Variants in DEPDC1 observed in about 807,000 individuals in gnomAD.
DEPDC1 encodes DEP domain-containing protein 1A.
Under a neutral mutation model 86.8 loss-of-function variants are expected in DEPDC1, and 66 were observed. The ratio of observed to expected loss-of-function variants is 0.76; its 90% confidence interval spans 0.62 to 0.93. The LOEUF is 0.93. Among genes scored for constraint, DEPDC1 ranks in the 40% least tolerant of loss-of-function variants. The pLI is 0.00. For synonymous variants in DEPDC1, 255 were observed against 314.9 expected (o/e 0.81, Z 2.02); for missense variants, 792 against 935.7 (o/e 0.85, Z 2.00).
At chr1:68,486,857 GTTC>G in intron 6 of DEPDC1, 77 bp downstream of exon 6, 1 of 1,288,508 alleles carries the variant, frequency 7.8e-7, no homozygotes, top group Non-Finnish European at 1.0e-6. Context: ...AATTTCCTTG[GTTC>G]TTGTTAAATA....
chr1:68,484,796 A>G (rs1307043995), intron 6 of DEPDC1, among the ~76,000 whole-genome samples: 1 of 151,962 alleles, frequency 6.6e-6, no homozygotes, highest in Non-Finnish European at 1.5e-5. Context: ...GTGCCTATTA[A>G]AAATACAAAG....
intron 7 of DEPDC1, chr1:68,483,156 A>G (rs17130708): frequency 0.047 from 25,218 of 539,848 alleles, 686 homozygotes; most frequent in East Asian, 0.072. Flanking sequence ...AATTAAATGG[A>G]TTGAGCCAGA....
chr1:68,494,203 A>G (rs1646248200), intron 2 of DEPDC1, among the ~76,000 whole-genome samples: 1 of 152,234 alleles, frequency 6.6e-6, no homozygotes, highest in Non-Finnish European at 1.5e-5. Flanking sequence ...TTCCCTTCCA[A>G]TTCCCTACTT....
At chr1:68,483,819 T>C (rs1646174322) in intron 7 of DEPDC1, 131 bp downstream of exon 7, 2 of 634,218 alleles carry the variant, frequency 3.2e-6, no homozygotes, top group Middle Eastern at 4.7e-4. Context: ...CTCGGAACCT[T>C]ATTTCACTGA....
chr1:68,478,842 G>A (rs1297665889), intron 10 of DEPDC1, among the ~76,000 whole-genome samples: 5 of 151,966 alleles, frequency 3.3e-5, no homozygotes, highest in African/African-American at 1.2e-4. Flanking sequence ...ATTGGAGACG[G>A]AGGAATGGCT....
At chr1:68,493,632 C>A (rs750357482) in intron 2 of DEPDC1, among the ~76,000 whole-genome samples, 1 of 152,162 alleles carries the variant, frequency 6.6e-6, no homozygotes, top group Admixed American at 6.5e-5. Flanking sequence ...TAAGTAAGAA[C>A]ACATATGTAA....
At position 68,496,325 on chromosome 1, in the gene DEPDC1, C is replaced by G. The variant is rs980521117; in HGVS notation, c.48+627G>C. 6.6e-6 allele frequency among the ~76,000 whole-genome samples: 1 copy of G among 152,164 alleles called. No homozygotes were observed. Among genetic ancestry groups the G allele is most frequent in the African/African-American group, 2.4e-5 (1 of 41,438 alleles). On this transcript the variant is annotated intron_variant, in intron 1 of 11. Transcript: ENST00000456315. This position sits in a 1 kb window ranked among gnomAD's most constrained non-coding sequence, Gnocchi z 4.0. ...AGGGGACTCACCTAACGTCACATAA[C>G]CAGCACCACAGTATCCTATAGAACC...
chr1:68,481,719 C>T, intron 8 of DEPDC1, 107 bp from the exon 9 acceptor site: 1 of 882,552 alleles, frequency 1.1e-6, no homozygotes, highest in Non-Finnish European at 1.6e-6. Flanking sequence ...CTTAGTATTT[C>T]ATCTTTTAAC....
At chr1:68,483,503 A>G in intron 7 of DEPDC1, 1 of 333,390 alleles carries the variant, frequency 3.0e-6, no homozygotes, top group South Asian at 2.4e-5. Context: ...TGGTAATTAA[A>G]CTTCAATTAA....
intron 8 of DEPDC1, 188 bp from the exon 9 acceptor site, chr1:68,481,800 G>A: frequency 1.6e-6 from 1 of 629,782 alleles, no homozygotes; most frequent in East Asian, 3.0e-5. Context: ...TTATTTCTAA[G>A]TATTAAAATT....
Position 68,474,450 on chromosome 1 carries a change from T to A in DEPDC1, c.*2482A>T, listed in dbSNP as rs1307765376. 1 of 152,068 alleles carries A rather than the reference T, an allele frequency of 6.6e-6. No homozygotes were observed. Among genetic ancestry groups the A allele is most frequent in the African/African-American group, 2.4e-5 (1 of 41,432 alleles). The allele number at this position is 152,068 out of a possible 1,614,324, so 9.4% of individuals were successfully genotyped here. The stretch of plus-strand genomic sequence containing the variant: ...ATAAGAAGAGTGGGTCATTATATGA[T>A]ACCAATTAGAAGATATTAGGGATGG... On this transcript the variant is annotated 3_prime_UTR_variant, in exon 12 of 12. Transcript: ENST00000456315.
chr1:68,489,400 T>C (rs1646214457), intron 3 of DEPDC1, 52 bp downstream of exon 3: 1 of 1,235,766 alleles, frequency 8.1e-7, no homozygotes, highest in Non-Finnish European at 1.1e-6. Context: ...ATTCTATCAT[T>C]GAGTACATCA....
chr1:68,483,985 G>A lies in DEPDC1; in HGVS notation c.875C>T (p.Thr292Ile). 2 of 1,548,564 alleles carry A rather than the reference G, an allele frequency of 1.3e-6. No homozygotes were observed. Among genetic ancestry groups the A allele is most frequent in the Non-Finnish European group, 1.8e-6 (2 of 1,141,500 alleles). Residue 292 changes from threonine to isoleucine, a missense_variant, in exon 7 of 12, where the codon ACT becomes ATT. Physicochemically the swap from Thr to Ile is moderately conservative, Grantham distance 89 (BLOSUM62 -1). Transcript: ENST00000456315. ...TACAAATAATTCGTAATATTCAAAA[G>A]TAAGTAGAGGTTCAGGGAGATCTAG... is the stretch of plus-strand genomic sequence containing the variant. ...YFLDLPEPLLTFEYYELFVNI... is the reference protein window; with the variant it reads ...YFLDLPEPLLIFEYYELFVNI...
Position 68,479,310 on chromosome 1 carries a change from G to A in DEPDC1, c.1946C>T (p.Thr649Ile). ...AMGTRSLMIH[T>I]FSRCVLCCAE... The stretch of plus-strand genomic sequence containing the variant: ...ACAGCATAACACACATCGAGAAAAG[G>A]TATGTATCATCTAGAAAAATATTAA... Residue 649 changes from threonine (T) to isoleucine (I), a missense_variant, in exon 10 of 12, where the codon ACC becomes ATC. Thr to Ile is a moderately conservative substitution (Grantham distance 89). Transcript: ENST00000456315. 1 of 1,587,502 alleles carries A rather than the reference G, an allele frequency of 6.3e-7. No homozygotes were observed. Among genetic ancestry groups the A allele is most frequent in the Non-Finnish European group, 8.6e-7 (1 of 1,168,842 alleles).
At position 68,482,852 on chromosome 1, in the gene DEPDC1, T is replaced by G. The variant is rs563988599; in HGVS notation, c.956A>C (p.His319Pro). 1.5e-5 allele frequency: 24 copies of G among 1,604,782 alleles called. No homozygotes were observed. The highest frequency in any genetic ancestry group is 1.9e-5 in the Non-Finnish European group (22 of 1,176,324). ...ITVSDRSSGI[H>P]KIQDDPQSSK... Reference sequence around the variant, plus strand: ...AGACTGTGGATCATCTTGAATTTTATGTATCCCACTGGATCTATCTGAAAC... The same window carrying G: ...AGACTGTGGATCATCTTGAATTTTAGGTATCCCACTGGATCTATCTGAAAC... The change falls in exon 8 of 12, where the codon CAT becomes CCT. Residue 319 changes from histidine to proline, a missense_variant. Physicochemically the swap from His to Pro is moderately conservative, Grantham distance 77. Coordinates refer to ENST00000456315, the MANE Select transcript of DEPDC1 (RefSeq NM_001114120.3).
chr1:68,489,679 T>A (rs561871881), intron 2 of DEPDC1, 71 bp from the exon 3 acceptor site: 123 of 1,151,350 alleles, frequency 1.1e-4, no homozygotes, highest in African/African-American at 1.5e-4. Flanking sequence ...ATTTTTTTTT[T>A]AAAATTCACA....
At chr1:68,485,181 C>T (rs1056430378) in intron 6 of DEPDC1, among the ~76,000 whole-genome samples, 1 of 151,738 alleles carries the variant, frequency 6.6e-6, no homozygotes, top group African/African-American at 2.4e-5. Flanking sequence ...CACACACACA[C>T]ACACACACAC....
chr1:68,482,659 A>G lies in DEPDC1; in HGVS notation c.1149T>C (p.Val383=), dbSNP rs758743498. ...CACTCACTCTTCTGTTTCTTAAATTAACTAGCTGCATTTTCTTAGCACATC... is the reference window on the plus strand; with the variant it reads ...CACTCACTCTTCTGTTTCTTAAATTGACTAGCTGCATTTTCTTAGCACATC... ...QERCAKKMQL[V]NLRNRRVSAN... The change falls in exon 8 of 12, where the codon GTT becomes GTC. Residue 383 remains valine (V), a synonymous_variant. Coordinates refer to ENST00000456315, the MANE Select transcript of DEPDC1 (RefSeq NM_001114120.3). The G allele has an allele frequency of 5.6e-6, 9 of 1,612,562 alleles. No individual in the cohort carries two copies. Among genetic ancestry groups the G allele is most frequent in the South Asian group, 5.5e-5 (5 of 90,974 alleles).
chr1:68,480,989 C>T (rs1311155115), intron 9 of DEPDC1, among the ~76,000 whole-genome samples: 3 of 152,022 alleles, frequency 2.0e-5, no homozygotes, highest in Non-Finnish European at 2.9e-5. Flanking sequence ...TGCTTCCCAA[C>T]TTCTTGTCCA....
Sources: allele counts gnomAD v4.1 joint callset (sites outside exome capture counted in the v4.1 genomes callset), GRCh38; gene constraint gnomAD v4.1.1; non-coding constraint Gnocchi (gnomAD v3.1); transcripts MANE v1.5; gene names NCBI Gene and HGNC (gene_info 2026-07-23, HGNC 2026-07-21).